Variants in TAMM41 observed in about 807,000 individuals in gnomAD.
TAMM41 encodes phosphatidate cytidylyltransferase, mitochondrial.
Under a neutral mutation model 44.1 loss-of-function variants are expected in TAMM41, and 36 were observed. The ratio of observed to expected loss-of-function variants is 0.82; its 90% CI spans 0.63 to 1.08. TAMM41 has a LOEUF of 1.08. Ranked by LOEUF, TAMM41 falls within the 50% of genes least tolerant of loss-of-function variation. The pLI, the probability that TAMM41 is intolerant of heterozygous loss-of-function variation, is 0.00. For synonymous variants in TAMM41, 164 were observed against 153.1 expected (o/e 1.07, Z -0.53); for missense variants, 417 against 404.3 (o/e 1.03, Z -0.27).
At chr3:11,817,456 C>T in intron 4 of TAMM41, 119 bp from the exon 5 acceptor site, 1 of 1,061,408 alleles carries the variant, frequency 9.4e-7, no homozygotes, top group Non-Finnish European at 1.3e-6. Flanking sequence ...CTCATCAGAA[C>T]ACTTGCTTTT....
chr3:11,761,808 G>A, the TAMM41 span, among the ~76,000 whole-genome samples: 4 of 151,898 alleles, frequency 2.6e-5, no homozygotes, highest in Admixed American at 6.6e-5. Context: ...TTAGCCGTGC[G>A]TGGTGGCGAG....
At chr3:11,782,393 A>G in the TAMM41 span, among the ~76,000 whole-genome samples, 1 of 151,982 alleles carries the variant, frequency 6.6e-6, no homozygotes, top group Admixed American at 6.6e-5. Context: ...TAAAAACACA[A>G]AAAATTAGCC....
intron 7 of TAMM41, 67 bp from the exon 8 acceptor site, chr3:11,790,648 G>A: frequency 7.2e-7 from 1 of 1,388,214 alleles, no homozygotes; most frequent in Non-Finnish European, 1.0e-6. Flanking sequence ...GAGTTTCAGT[G>A]ACATTCTGAG....
the TAMM41 span, among the ~76,000 whole-genome samples, chr3:11,748,248 A>T: frequency 6.5e-5 from 6 of 93,000 alleles, no homozygotes; most frequent in Middle Eastern, 4.1e-3. Flanking sequence ...GTCTCATATT[A>T]ATATTAATAT....
chr3:11,840,844 CAG>C (rs2079403761), intron 2 of TAMM41, among the ~76,000 whole-genome samples: 1 of 152,056 alleles, frequency 6.6e-6, no homozygotes, highest in Admixed American at 6.5e-5. Flanking sequence ...CCAGTAGTAG[CAG>C]AGTCAAAACT....
chr3:11,809,236 T>C (rs573724692), intron 6 of TAMM41: 81 of 437,420 alleles, frequency 1.9e-4, no homozygotes, highest in Non-Finnish European at 4.0e-6. Context: ...TTTAAATAAA[T>C]TCTAGAAGTT....
At chr3:11,810,703 G>A (rs572988203) in intron 5 of TAMM41, 4 of 152,240 alleles carry the variant, frequency 2.6e-5, no homozygotes, top group South Asian at 2.1e-4. Flanking sequence ...CAGATAGGAC[G>A]AACTTTCTTA....
intron 5 of TAMM41, among the ~76,000 whole-genome samples, chr3:11,816,770 C>T (rs189835550): frequency 6.6e-6 from 1 of 151,464 alleles, no homozygotes; most frequent in African/African-American, 2.4e-5. Context: ...AGACCCTGTC[C>T]CCCCAAAAAA....
chr3:11,822,723 C>A (rs2078572097), intron 4 of TAMM41, among the ~76,000 whole-genome samples: 1 of 152,208 alleles, frequency 6.6e-6, no homozygotes, highest in African/African-American at 2.4e-5. Flanking sequence ...GTACTTCACT[C>A]CTGCTTATGG....
At chr3:11,829,463 G>C (rs1466421888) in intron 4 of TAMM41, among the ~76,000 whole-genome samples, 2 of 152,194 alleles carry the variant, frequency 1.3e-5, no homozygotes, top group African/African-American at 4.8e-5. Flanking sequence ...TTTTCTGTAA[G>C]TTTGAAATTA....
At chr3:11,756,699 C>T in the TAMM41 span, among the ~76,000 whole-genome samples, 1 of 151,980 alleles carries the variant, frequency 6.6e-6, no homozygotes, top group Non-Finnish European at 1.5e-5. Context: ...AACCCCGTCT[C>T]TACTAAACAT....
At chr3:11,729,862 G>A in the TAMM41 span, among the ~76,000 whole-genome samples, 2 of 152,180 alleles carry the variant, frequency 1.3e-5, no homozygotes, top group Admixed American at 6.5e-5. Context: ...AGGTTATTGG[G>A]TGCCAAGTGT....
chr3:11,787,157 G>A (rs543052613), downstream of TAMM41, among the ~76,000 whole-genome samples: 1 of 152,318 alleles, frequency 6.6e-6, no homozygotes, highest in Non-Finnish European at 1.5e-5. Flanking sequence ...AGTGTCCTGA[G>A]AGAGAGCCGG....
At chr3:11,822,510 T>C (rs1297332149) in intron 4 of TAMM41, among the ~76,000 whole-genome samples, 1 of 152,206 alleles carries the variant, frequency 6.6e-6, no homozygotes, top group African/African-American at 2.4e-5. Flanking sequence ...TGCTGTCATT[T>C]TGGTTCAGTG....
chr3:11,724,255 C>T, the TAMM41 span, among the ~76,000 whole-genome samples: 59 of 150,070 alleles, frequency 3.9e-4, no homozygotes, highest in African/African-American at 1.4e-3. Context: ...AGGCATGTGC[C>T]ACCATGCCTG....
downstream of TAMM41, among the ~76,000 whole-genome samples, chr3:11,785,488 G>A (rs1312567795): frequency 6.6e-6 from 1 of 152,128 alleles, no homozygotes; most frequent in Non-Finnish European, 1.5e-5. Flanking sequence ...ACCATGCCCA[G>A]CTAAGTTTTG....
the TAMM41 span, among the ~76,000 whole-genome samples, chr3:11,763,323 G>T: frequency 6.6e-6 from 1 of 152,150 alleles, no homozygotes; most frequent in African/African-American, 2.4e-5. Flanking sequence ...AAATTTATTT[G>T]TAGAGATGAG....
At chr3:11,790,372 TAA>T, downstream of TAMM41, 1 of 862,494 alleles carries the variant, frequency 1.2e-6, no homozygotes, top group Non-Finnish European at 1.9e-6. Flanking sequence ...TGCATACATT[TAA>T]AAAACCAAGT....
At chr3:11,798,886 C>G (rs1398975536) in intron 7 of TAMM41, among the ~76,000 whole-genome samples, 1 of 152,056 alleles carries the variant, frequency 6.6e-6, no homozygotes, top group Non-Finnish European at 1.5e-5. Context: ...GAAGAAAAAC[C>G]AGACACAATG....
Sources: gnomAD v4.1 joint callset for allele counts (sites outside exome capture counted in the v4.1 genomes callset) on GRCh38, gnomAD v4.1.1 for gene constraint, MANE v1.5 for transcripts, NCBI Gene and HGNC (gene_info 2026-07-23, HGNC 2026-07-21) for gene names.